PTPN14: variants seen among roughly 807,000 people sequenced by gnomAD.
PTPN14 encodes the protein protein tyrosine phosphatase non-receptor type 14.
Under a neutral mutation model 126.8 loss-of-function variants are expected in PTPN14, and 53 were observed. The observed-to-expected ratio is 0.42, with a 90% CI of 0.34 to 0.53. The LOEUF (loss-of-function observed/expected upper bound fraction) is 0.53. Ranked by LOEUF, PTPN14 falls within the 20% of genes least tolerant of loss-of-function variation. PTPN14 has a pLI of 0.08. For missense variants in PTPN14, 1,257 were observed against 1,552.9 expected, an observed-to-expected ratio of 0.81 and a Z score of 3.20; for synonymous variants, 630 against 599.3, an observed-to-expected ratio of 1.05 and a Z score of -0.75.
At chr1:214,497,020 T>C (rs750767889) in intron 1 of PTPN14, among the ~76,000 whole-genome samples, 39 of 152,026 alleles carry the variant, frequency 2.6e-4, no homozygotes, top group Non-Finnish European at 5.7e-4. Context: ...ATACAGATTT[T>C]ATTAAATAAA....
chr1:214,455,877 G>A (rs1168291184), intron 2 of PTPN14, among the ~76,000 whole-genome samples: 2 of 149,618 alleles, frequency 1.3e-5, no homozygotes, highest in Admixed American at 1.4e-4. Flanking sequence ...GAGAATAAGG[G>A]CCCTTAAAAG....
rs551662213 is a variant in PTPN14 at position 214,513,035 on chromosome 1, T to C, written c.-155+38148A>G. 2.0e-5 allele frequency among the ~76,000 whole-genome samples: 3 copies of C among 152,212 alleles called. No homozygotes were observed. The East Asian group carries it at 5.8e-4, about 29-fold the overall frequency. On this transcript the variant is annotated intron_variant, in intron 1 of 18. Transcript: ENST00000366956. ...TCAATTTTAAAATCCCCACCAAGAA[T>C]CCTGGTCCAAACACCAATTCAAACT... is the stretch of plus-strand genomic sequence containing the variant.
chr1:214,382,571 C>T (rs2102535380), intron 13 of PTPN14, among the ~76,000 whole-genome samples: 1 of 152,212 alleles, frequency 6.6e-6, no homozygotes, highest in South Asian at 2.1e-4. Context: ...GCTTCTAGTG[C>T]TCTTCCTACC....
chr1:214,535,674 G>A (rs1440572678), intron 1 of PTPN14, among the ~76,000 whole-genome samples: 3 of 152,020 alleles, frequency 2.0e-5, no homozygotes, highest in Non-Finnish European at 1.5e-5. Flanking sequence ...AGCTACTTAG[G>A]AGGTTGAGGC....
chr1:214,451,726 T>C (rs1660275990), intron 3 of PTPN14, 79 bp downstream of exon 3: 2 of 1,511,066 alleles, frequency 1.3e-6, no homozygotes, highest in Non-Finnish European at 9.0e-7. Context: ...CCCCTAAATC[T>C]ACCAGCTCAT....
intron 3 of PTPN14, among the ~76,000 whole-genome samples, chr1:214,416,298 C>G (rs1356972294): frequency 2.0e-5 from 3 of 152,206 alleles, no homozygotes; most frequent in Admixed American, 6.5e-5. Flanking sequence ...AAGGTGTTAA[C>G]CTGGCATCAT....
chr1:214,507,713 A>T (rs1654876104), intron 1 of PTPN14, among the ~76,000 whole-genome samples: 1 of 152,208 alleles, frequency 6.6e-6, no homozygotes, highest in Non-Finnish European at 1.5e-5. Context: ...GATAAAACGA[A>T]TCTCACAATA....
At chr1:214,548,879 C>A (rs189549412) in intron 1 of PTPN14, among the ~76,000 whole-genome samples, 1 of 152,312 alleles carries the variant, frequency 6.6e-6, no homozygotes, top group East Asian at 1.9e-4. Context: ...CAGCTACCAG[C>A]ATGACACAGT....
intron 5 of PTPN14, among the ~76,000 whole-genome samples, chr1:214,406,299 G>A (rs1293686507): frequency 1.3e-5 from 2 of 151,996 alleles, no homozygotes; most frequent in African/African-American, 4.8e-5. Flanking sequence ...CCAACATGGT[G>A]AAACTCCATC....
chr1:214,517,389 C>G, intron 1 of PTPN14, among the ~76,000 whole-genome samples: 1 of 149,020 alleles, frequency 6.7e-6, no homozygotes, highest in African/African-American at 2.4e-5. Flanking sequence ...CACTAACCAC[C>G]AAGGTTAAGA....
At chr1:214,434,251 G>A (rs1659862188) in intron 3 of PTPN14, among the ~76,000 whole-genome samples, 1 of 152,194 alleles carries the variant, frequency 6.6e-6, no homozygotes, top group Non-Finnish European at 1.5e-5. Context: ...ATTGCAAGAT[G>A]AAAATAGGCA....
At chr1:214,375,390 G>C (rs940796960) in intron 15 of PTPN14, among the ~76,000 whole-genome samples, 1 of 152,196 alleles carries the variant, frequency 6.6e-6, no homozygotes, top group Non-Finnish European at 1.5e-5. Flanking sequence ...ATTGAACCTT[G>C]TGTTATTTAA....
rs1657678763 is a variant in PTPN14 at position 214,350,352 on chromosome 1, A to AT, written c.*7569dup. 6.6e-6 allele frequency: 1 copy of AT among 152,148 alleles called. No individual in the cohort carries two copies. The highest frequency in any genetic ancestry group is 2.1e-4 in the South Asian group (1 of 4,824). The allele number at this position is 152,148 out of a possible 1,614,324, so 9.4% of individuals were successfully genotyped here. On this transcript the variant is annotated 3_prime_UTR_variant, in exon 19 of 19. Coordinates refer to ENST00000366956, the MANE Select transcript of PTPN14 (RefSeq NM_005401.5). ...CCAAATGCAGCCTCTCTCAATCTAT[A>AT]TAAGTTCACCTCGAAATACATATTA...
intron 1 of PTPN14, chr1:214,528,524 C>T (rs921962222): frequency 1.3e-5 from 2 of 152,062 alleles, no homozygotes; most frequent in Admixed American, 1.3e-4. Flanking sequence ...AAATATATAA[C>T]ATGATTACAG....
intron 1 of PTPN14, among the ~76,000 whole-genome samples, chr1:214,535,385 A>G (rs1655678427): frequency 6.6e-6 from 1 of 152,250 alleles, no homozygotes; most frequent in South Asian, 2.1e-4. Context: ...AAAGGTTATT[A>G]TTCAACCTTT....
chr1:214,519,052 T>C (rs895627164), intron 1 of PTPN14, among the ~76,000 whole-genome samples: 3 of 152,136 alleles, frequency 2.0e-5, no homozygotes, highest in African/African-American at 7.2e-5. Flanking sequence ...GCAGATCACC[T>C]GAGGTCAGGA....
intron 18 of PTPN14, among the ~76,000 whole-genome samples, chr1:214,362,778 G>T (rs1368252950): frequency 6.6e-6 from 1 of 152,236 alleles, no homozygotes; most frequent in African/African-American, 2.4e-5. Context: ...CGAGGTGGAA[G>T]GACTACTTGA....
At chr1:214,479,351 T>C (rs1376981791) in intron 1 of PTPN14, among the ~76,000 whole-genome samples, 1 of 151,384 alleles carries the variant, frequency 6.6e-6, no homozygotes, top group Non-Finnish European at 1.5e-5. Flanking sequence ...CTTTTTTTTT[T>C]TTTTTTGAGA....
chr1:214,446,507 T>C (rs552595968), intron 3 of PTPN14, among the ~76,000 whole-genome samples: 3 of 152,292 alleles, frequency 2.0e-5, no homozygotes, highest in Non-Finnish European at 4.4e-5. Flanking sequence ...AATTTTCTAA[T>C]TTAAACCAAT....
Sources: allele counts gnomAD v4.1 joint callset (sites outside exome capture counted in the v4.1 genomes callset), GRCh38; gene constraint gnomAD v4.1.1; transcripts MANE v1.5; gene names NCBI Gene and HGNC (gene_info 2026-07-23, HGNC 2026-07-21).